LILRA1: variants seen among roughly 807,000 people sequenced by gnomAD.
LILRA1 encodes the protein leukocyte immunoglobulin-like receptor subfamily A member 1.
Under a neutral mutation model 51.6 loss-of-function variants are expected in LILRA1, and 51 were observed. The ratio of observed to expected loss-of-function variants is 0.99; its 90% CI spans 0.79 to 1.25. LILRA1 has a LOEUF of 1.25. Ranked by LOEUF, LILRA1 falls within the 50% of genes most tolerant of loss-of-function variation. LILRA1 has a pLI of 0.00. For synonymous variants in LILRA1, 305 were observed against 248.4 expected (o/e 1.23, Z -2.14); for missense variants, 660 against 611.7 (o/e 1.08, Z -0.83).
intron 7 of LILRA1, among the ~76,000 whole-genome samples, chr19:54,599,021 C>A (rs2063116334): frequency 6.6e-6 from 1 of 152,092 alleles, no homozygotes; most frequent in South Asian, 2.1e-4. Context: ...GTCTTGAACT[C>A]CTGACCTCAT....
chr19:54,596,802 G>T (rs1284261391), intron 7 of LILRA1, among the ~76,000 whole-genome samples: 3 of 152,110 alleles, frequency 2.0e-5, no homozygotes, highest in African/African-American at 7.2e-5. Context: ...GGGAGGCGGA[G>T]CTTGCCGTGA....
chr19:54,597,863 A>G (rs2063091825), intron 7 of LILRA1, among the ~76,000 whole-genome samples: 1 of 151,182 alleles, frequency 6.6e-6, no homozygotes, highest in South Asian at 2.1e-4. Context: ...ATAATTCCCT[A>G]ACTTGCCAGG....
At position 54,595,100 on chromosome 19, in the gene LILRA1, G is replaced by T; in HGVS notation, c.359G>T (p.Gly120Val). The change falls in exon 5 of 10, where the codon GGA becomes GTA. Residue 120 changes from glycine to valine, a missense_variant and splice_region_variant. Physicochemically the swap from Gly to Val is moderately radical, Grantham distance 109. Coordinates refer to ENST00000251372, the MANE Select transcript of LILRA1 (RefSeq NM_006863.4). ...AACATGGTGCCTCCTTCTCTCCTAG[G>T]AGCCTACATCAAACCCACCCTCTCA... ...PSDPLELVVT[G>V]AYIKPTLSAL... 1 of 1,612,738 alleles carries T rather than the reference G, an allele frequency of 6.2e-7. No homozygotes were observed. Among genetic ancestry groups the T allele is most frequent in the Non-Finnish European group, 8.5e-7 (1 of 1,179,124 alleles).
Position 54,598,128 on chromosome 19 carries a change from T to G in LILRA1, c.1262-1108T>G, listed in dbSNP as rs998197616. On this transcript the variant is annotated intron_variant, in intron 7 of 9. Transcript: ENST00000251372. ...GGAATGATTCACAGCACGTCTCATA[T>G]GTCATTCATTTCTACACTGTATTTT... 5.9e-5 allele frequency among the ~76,000 whole-genome samples: 9 copies of G among 151,934 alleles called. 1 individual carries two copies. Among genetic ancestry groups the G allele is most frequent in the Non-Finnish European group, 1.2e-4 (8 of 67,990 alleles).
Position 54,596,460 on chromosome 19 carries a change from C to A in LILRA1, c.1230C>A (p.His410Gln), listed in dbSNP as rs753816569. 12 of 1,614,036 alleles carry A rather than the reference C, an allele frequency of 7.4e-6. No individual in the cohort carries two copies. Among genetic ancestry groups the A allele is most frequent in the Non-Finnish European group, 9.3e-6 (11 of 1,180,022 alleles). ...SLSSNPYLLSHPSDSLELMVS... is the reference protein window; with the variant it reads ...SLSSNPYLLSQPSDSLELMVS... ...GCTCCAACCCCTACCTGCTGTCTCACCCCAGTGACTCCCTGGAGCTCATGG... is the reference window on the plus strand; with the variant it reads ...GCTCCAACCCCTACCTGCTGTCTCAACCCAGTGACTCCCTGGAGCTCATGG... The change falls in exon 7 of 10, where the codon CAC becomes CAA. Residue 410 changes from histidine to glutamine, a missense_variant. Transcript: ENST00000251372.
In LILRA1 at chr19:54,600,706, C is replaced by T. The variant is rs145240997; in HGVS notation, c.1359C>T (p.His453=). 424 of 1,614,070 alleles carry T rather than the reference C, an allele frequency of 2.6e-4. 2 individuals carry two copies. Among genetic ancestry groups the T allele is most frequent in the South Asian group, 1.1e-3 (103 of 91,082 alleles). ...TTTGCCCACCATCCCCAGCCTCACA[C>T]CCCCAGGATTACACAGTGGAGAATC... The part of the protein sequence containing the change: ...LSPSQNKTAS[H]PQDYTVENLI... Residue 453 remains histidine, a synonymous_variant, in exon 10 of 10, where the codon CAC becomes CAT. Coordinates refer to ENST00000251372, the MANE Select transcript of LILRA1 (RefSeq NM_006863.4).
chr19:54,593,732 A>G lies in LILRA1; in HGVS notation c.-98A>G. 1 of 792,354 alleles carries G rather than the reference A, an allele frequency of 1.3e-6. No homozygotes were observed. Among genetic ancestry groups the G allele is most frequent in the Non-Finnish European group, 1.9e-6 (1 of 528,694 alleles). The allele number at this position is 792,354 out of a possible 1,614,324, so 49.1% of individuals were successfully genotyped here. A position where few individuals can be genotyped will look rare whatever the true frequency, so the allele number is the denominator to read the frequency against. On this transcript the variant is annotated 5_prime_UTR_variant, in exon 1 of 10. Transcript: ENST00000251372. ...TGATCTGAGTCTGCCTGCAGCATGGACCTTGGTCTTCCCTGAAGCATCTCC... is the reference window on the plus strand; with the variant it reads ...TGATCTGAGTCTGCCTGCAGCATGGGCCTTGGTCTTCCCTGAAGCATCTCC...
chr19:54,595,323 G>T lies in LILRA1; in HGVS notation c.582G>T (p.Ser194=). The change falls in exon 5 of 10, where the codon TCG becomes TCT. Residue 194 remains serine (S), a synonymous_variant. Coordinates refer to ENST00000251372, the MANE Select transcript of LILRA1 (RefSeq NM_006863.4). ...VGPVSPSRRW[S]YRCYAYDSNS... ...CCGTGAGCCCGAGTCGCAGGTGGTC[G>T]TACAGGTGCTATGCTTATGACTCGA... is the stretch of plus-strand genomic sequence containing the variant. 1 of 1,614,092 alleles carries T rather than the reference G, an allele frequency of 6.2e-7. No homozygotes were observed. The highest frequency in any genetic ancestry group is 8.5e-7 in the Non-Finnish European group (1 of 1,179,952).
Position 54,594,359 on chromosome 19 carries a change from C to G in LILRA1, c.34+81C>G, listed in dbSNP as rs566336030. 8.7e-6 allele frequency: 14 copies of G among 1,614,068 alleles called. No homozygotes were observed. The East Asian group carries it at 3.1e-4, about 36-fold the overall frequency. ...CCGACCTCTAGTCCCTAAGGAGACC[C>G]CAGGGGCTCACAAAGATCCCAGGGA... On this transcript the variant is annotated intron_variant, in intron 2 of 9. Transcript: ENST00000251372.
At chr19:54,594,359 C>T in intron 2 of LILRA1, 81 bp downstream of exon 2, 1 of 1,614,068 alleles carries the variant, frequency 6.2e-7, no homozygotes, top group Non-Finnish European at 8.5e-7. Flanking sequence ...TAAGGAGACC[C>T]CAGGGGCTCA....
rs1036920226 is a variant in LILRA1 at position 54,601,735 on chromosome 19, A to T, written c.*918A>T. ...CAAGACCTCAGGTCGATGAATCTTGACAAGCAGTTGAGCTGTTTTTTTCTA... is the reference window on the plus strand; with the variant it reads ...CAAGACCTCAGGTCGATGAATCTTGTCAAGCAGTTGAGCTGTTTTTTTCTA... On this transcript the variant is annotated 3_prime_UTR_variant, in exon 10 of 10. Coordinates refer to ENST00000251372, the MANE Select transcript of LILRA1 (RefSeq NM_006863.4). The T allele has an allele frequency of 6.6e-6, 1 of 152,232 alleles. No individual in the cohort carries two copies. The highest frequency in any genetic ancestry group is 6.5e-5 in the Admixed American group (1 of 15,288). 9.4% of individuals were successfully genotyped at this position (152,232 alleles called of 1,614,324 possible). A position where few individuals can be genotyped will look rare whatever the true frequency, so the allele number is the denominator to read the frequency against.
At chr19:54,594,544 C>T (rs2062980483) in intron 3 of LILRA1, 68 bp downstream of exon 3, 2 of 1,613,670 alleles carry the variant, frequency 1.2e-6, no homozygotes, top group East Asian at 2.2e-5. Flanking sequence ...CCCCGTGCAG[C>T]TGGGGATGGG....
In LILRA1 at chr19:54,599,810, T is replaced by C. The variant is rs1462291864; in HGVS notation, c.1312+524T>C. 1.3e-5 allele frequency: 3 copies of C among 227,194 alleles called. No homozygotes were observed. In the East Asian group the frequency reaches 5.3e-4, roughly 40 times the overall value. The allele number at this position is 227,194 out of a possible 1,614,324, so 14.1% of individuals were successfully genotyped here. A position where few individuals can be genotyped will look rare whatever the true frequency, so the allele number is the denominator to read the frequency against. On this transcript the variant is annotated intron_variant, in intron 8 of 9. Coordinates refer to ENST00000251372, the MANE Select transcript of LILRA1 (RefSeq NM_006863.4). ...GATGTATATTCATGCATATGCTTAA[T>C]ATATTTGATGCGGTAGGTGTTTACA...
intron 1 of LILRA1, 83 bp downstream of exon 1, chr19:54,593,864 G>C (rs961681321): frequency 7.4e-6 from 5 of 675,878 alleles, no homozygotes; most frequent in Non-Finnish European, 1.2e-5. Flanking sequence ...GGAAAGGGAA[G>C]CCTCCGTTAC....
chr19:54,599,766 A>C (rs759922642), intron 8 of LILRA1: 11 of 376,680 alleles, frequency 2.9e-5, no homozygotes, highest in Non-Finnish European at 3.8e-5. Context: ...TATGTGTGTA[A>C]GTATATCCAA....
chr19:54,600,773 G>A lies in LILRA1; in HGVS notation c.1426G>A (p.Gly476Arg), dbSNP rs746126205. The A allele has an allele frequency of 3.1e-5, 50 of 1,613,956 alleles. No individual in the cohort carries two copies. Among genetic ancestry groups the A allele is most frequent in the Non-Finnish European group, 4.1e-5 (48 of 1,180,004 alleles). The change falls in exon 10 of 10, where the codon GGG becomes AGG. Residue 476 changes from glycine (G) to arginine (R), a missense_variant. Gly to Arg is a moderately radical substitution (Grantham distance 125). Transcript: ENST00000251372. ...GIAGLVLVVL[G>R]ILLFEAQHSQ... ...AGCTGGCTTGGTCCTGGTGGTCCTC[G>A]GGATTCTGCTATTTGAGGCTCAGCA...
chr19:54,596,610 G>C, intron 7 of LILRA1, 119 bp downstream of exon 7: 1 of 1,404,256 alleles, frequency 7.1e-7, no homozygotes. Flanking sequence ...GCTTACACCT[G>C]TAATCCCAGC....
intron 3 of LILRA1, 63 bp from the exon 4 acceptor site, chr19:54,594,602 G>A (rs1328012162): frequency 8.1e-6 from 13 of 1,606,486 alleles, no homozygotes; most frequent in South Asian, 5.5e-5. Context: ...AGGGTCCTGG[G>A]CTGAGAGCTG....
rs746458602 is a variant in LILRA1 at position 54,594,832 on chromosome 19, A to G, written c.238A>G (p.Lys80Glu). ...ACGGATCCCACAGGAGATTGTGAAG[A>G]AGGGCCAGTTCCCCATCCCATCCAT... is the stretch of plus-strand genomic sequence containing the variant. ...ITRIPQEIVK[K>E]GQFPIPSITW... Residue 80 changes from lysine (K) to glutamate (E), a missense_variant, in exon 4 of 10, where the codon AAG becomes GAG. Physicochemically the swap from Lys to Glu is moderately conservative, Grantham distance 56. Coordinates refer to ENST00000251372, the MANE Select transcript of LILRA1 (RefSeq NM_006863.4). 2 of 1,614,024 alleles carry G rather than the reference A, an allele frequency of 1.2e-6. No individual in the cohort carries two copies. Among genetic ancestry groups the G allele is most frequent in the Non-Finnish European group, 1.7e-6 (2 of 1,180,000 alleles).
Sources: gnomAD v4.1 joint callset for allele counts (sites outside exome capture counted in the v4.1 genomes callset) on GRCh38, gnomAD v4.1.1 for gene constraint, MANE v1.5 for transcripts, NCBI Gene and HGNC (gene_info 2026-07-23, HGNC 2026-07-21) for gene names.